The following MED13L variants were observed in gnomAD, a reference collection of about 807,000 sequenced individuals.
The protein encoded by MED13L is mediator of RNA polymerase II transcription subunit 13-like.
Under a neutral mutation model 220.9 loss-of-function variants are expected in MED13L, and 7 were observed. The observed-to-expected ratio is 0.03, with a 90% confidence interval of 0.02 to 0.06. MED13L has a LOEUF of 0.06. MED13L is among the 10% of genes least tolerant of loss of function. The probability of loss-of-function intolerance (pLI) is 1.00; values close to 1 mark genes in which losing one functional copy is unlikely to be tolerated. For missense variants in MED13L, 1,965 were observed against 2,760.5 expected (o/e 0.71, Z 6.46); for synonymous variants, 1,011 against 1,015.2 (o/e 1.00, Z 0.08).
chr12:116,009,976 C>T (rs1174473919), intron 9 of MED13L, among the ~76,000 whole-genome samples: 1 of 152,150 alleles, frequency 6.6e-6, no homozygotes, highest in African/African-American at 2.4e-5. Context: ...TATGAGGTCT[C>T]CTGCCGGTGT....
At chr12:116,275,373 T>A (rs1593236285) in intron 1 of MED13L, among the ~76,000 whole-genome samples, 2 of 152,310 alleles carry the variant, frequency 1.3e-5, no homozygotes, top group Middle Eastern at 6.8e-3. Context: ...TATAAATGAA[T>A]TTTAAGATTA....
intron 1 of MED13L, among the ~76,000 whole-genome samples, chr12:116,270,371 T>C (rs1873200487): frequency 6.6e-6 from 1 of 152,100 alleles, no homozygotes; most frequent in Non-Finnish European, 1.5e-5. Flanking sequence ...CTCAATCTCC[T>C]GACCTCGTGA....
At chr12:115,970,839 G>A in intron 26 of MED13L, 69 bp from the exon 27 acceptor site, 1 of 1,422,484 alleles carries the variant, frequency 7.0e-7, no homozygotes, top group Non-Finnish European at 9.7e-7. Flanking sequence ...CAGAGGGCCT[G>A]ATCTGGAGTG....
intron 14 of MED13L, among the ~76,000 whole-genome samples, chr12:115,999,846 G>A (rs1267981339): frequency 6.6e-6 from 1 of 152,056 alleles, no homozygotes; most frequent in Non-Finnish European, 1.5e-5. Context: ...TTTAGCAAAG[G>A]TAAACAGAGA....
At chr12:116,096,621 C>G in intron 4 of MED13L, 48 bp downstream of exon 4, 1 of 1,424,266 alleles carries the variant, frequency 7.0e-7, no homozygotes. Context: ...GTTCACCCAC[C>G]CACAAGGCCA....
intron 17 of MED13L, 126 bp downstream of exon 17, chr12:115,990,894 A>T: frequency 1.0e-6 from 1 of 967,420 alleles, no homozygotes; most frequent in Non-Finnish European, 1.6e-6. Context: ...CTCTCACTTT[A>T]GGTTCTTTTT....
chr12:116,202,748 C>T (rs1039534083), intron 2 of MED13L, among the ~76,000 whole-genome samples: 1 of 152,172 alleles, frequency 6.6e-6, no homozygotes, highest in Non-Finnish European at 1.5e-5. Context: ...CCCCTGACAG[C>T]CTCTGGGGTT....
chr12:116,187,145 T>C (rs914715133), intron 2 of MED13L, among the ~76,000 whole-genome samples: 1 of 152,194 alleles, frequency 6.6e-6, no homozygotes, highest in African/African-American at 2.4e-5. Flanking sequence ...ACCTATAAAG[T>C]GAAATTTTGC....
intron 2 of MED13L, among the ~76,000 whole-genome samples, chr12:116,229,983 T>C (rs1013623781): frequency 3.9e-5 from 6 of 152,204 alleles, no homozygotes; most frequent in Non-Finnish European, 4.4e-5. Context: ...AAAATAAAAG[T>C]ATACTTTATA....
intron 1 of MED13L, among the ~76,000 whole-genome samples, chr12:116,241,884 A>C (rs1052306577): frequency 2.0e-5 from 3 of 152,134 alleles, no homozygotes; most frequent in African/African-American, 7.2e-5. Flanking sequence ...TTAAATTTTG[A>C]GTTAATGTTT....
chr12:116,041,390 T>C (rs1881517092), intron 4 of MED13L, among the ~76,000 whole-genome samples: 1 of 152,164 alleles, frequency 6.6e-6, no homozygotes, highest in Non-Finnish European at 1.5e-5. Flanking sequence ...ATTTTCTTTA[T>C]AAATTACCAA....
chr12:116,152,661 T>C (rs1362490598), intron 2 of MED13L, among the ~76,000 whole-genome samples: 2 of 152,146 alleles, frequency 1.3e-5, no homozygotes, highest in African/African-American at 4.8e-5. Flanking sequence ...AGAAGGACTG[T>C]TCAACATTGG....
At chr12:116,088,337 C>T (rs1041111232) in intron 4 of MED13L, among the ~76,000 whole-genome samples, 8 of 152,184 alleles carry the variant, frequency 5.3e-5, no homozygotes, top group African/African-American at 1.7e-4. Context: ...GACACAAACT[C>T]TGCCCAAATC....
intron 2 of MED13L, among the ~76,000 whole-genome samples, chr12:116,131,932 G>A (rs1233278300): frequency 2.6e-5 from 4 of 151,876 alleles, no homozygotes; most frequent in Admixed American, 1.3e-4. Context: ...GCAGTGAGCC[G>A]AGATCACGCC....
intron 4 of MED13L, among the ~76,000 whole-genome samples, chr12:116,081,189 C>A (rs913822304): frequency 2.6e-5 from 4 of 152,192 alleles, no homozygotes; most frequent in Non-Finnish European, 1.5e-5. Context: ...TCCTTATATT[C>A]TTTTATACAT....
At chr12:116,185,728 G>A (rs556155568) in intron 2 of MED13L, among the ~76,000 whole-genome samples, 4 of 149,368 alleles carry the variant, frequency 2.7e-5, no homozygotes, top group South Asian at 2.1e-4. Flanking sequence ...TAAGAGTCTC[G>A]CTCTGTCACC....
chr12:116,008,197 T>C (rs1566006927), intron 10 of MED13L: 1 of 649,128 alleles, frequency 1.5e-6, no homozygotes, highest in South Asian at 2.7e-5. Context: ...AAGAGTTCTT[T>C]ATATGCCCAT....
chr12:116,259,015 T>A (rs867905181), intron 1 of MED13L, among the ~76,000 whole-genome samples: 2 of 149,532 alleles, frequency 1.3e-5, no homozygotes, highest in South Asian at 2.1e-4. Flanking sequence ...TCCATAGAAA[T>A]GTAAACTGAC....
intron 2 of MED13L, among the ~76,000 whole-genome samples, chr12:116,174,049 AT>A (rs1299630638): frequency 6.6e-6 from 1 of 152,190 alleles, no homozygotes; most frequent in East Asian, 1.9e-4. Context: ...AGCTATGATC[AT>A]GCCACTGCAC....
Sources: allele counts gnomAD v4.1 joint callset (sites outside exome capture counted in the v4.1 genomes callset), GRCh38; gene constraint gnomAD v4.1.1; transcripts MANE v1.5; gene names NCBI Gene and HGNC (gene_info 2026-07-23, HGNC 2026-07-21).